The following B3GALNT2 variants were observed in gnomAD, a reference collection of about 807,000 sequenced individuals.
B3GALNT2 encodes beta-1,3-N-acetylgalactosaminyltransferase 2.
A neutral mutation model predicts 61.1 loss-of-function variants in B3GALNT2; 53 were observed. That is an observed-to-expected ratio of 0.87 (90% CI 0.70 to 1.09). The LOEUF is 1.09. Ranked by LOEUF, B3GALNT2 falls within the 50% of genes least tolerant of loss-of-function variation. The pLI is 0.00. For missense variants in B3GALNT2, 544 were observed against 623.0 expected (o/e 0.87, Z 1.35); for synonymous variants, 223 against 237.4 (o/e 0.94, Z 0.56).
chr1:235,448,621 A>T lies in B3GALNT2; in HGVS notation c.*1585T>A. The T allele has an allele frequency of 1.3e-6, 2 of 1,517,736 alleles. No individual in the cohort carries two copies. Among genetic ancestry groups the T allele is most frequent in the Non-Finnish European group, 1.8e-6 (2 of 1,092,820 alleles). The allele number at this position is 1,517,736 out of a possible 1,614,324, so 94.0% of individuals were successfully genotyped here. Reference sequence around the variant, plus strand: ...GGGAAGAGTATGTGTAGCATGCTTTATCGGATCTGTCTTAATCACATCCTT... The same window carrying T: ...GGGAAGAGTATGTGTAGCATGCTTTTTCGGATCTGTCTTAATCACATCCTT... On this transcript the variant is annotated 3_prime_UTR_variant, in exon 12 of 12. Transcript: ENST00000366600.
chr1:235,471,467 CA>C (rs1684003958), intron 5 of B3GALNT2, among the ~76,000 whole-genome samples: 1 of 152,140 alleles, frequency 6.6e-6, no homozygotes, highest in South Asian at 2.1e-4. Flanking sequence ...ATTACTGGGA[CA>C]AGAAAGAGAT....
chr1:235,501,220 GA>G (rs759540257), intron 1 of B3GALNT2, among the ~76,000 whole-genome samples: 2 of 152,154 alleles, frequency 1.3e-5, no homozygotes. Context: ...TCCTTAGTCC[GA>G]TGGTTATCTC....
intron 6 of B3GALNT2, among the ~76,000 whole-genome samples, chr1:235,470,474 C>T (rs958910938): frequency 6.6e-6 from 1 of 151,044 alleles, no homozygotes; most frequent in Admixed American, 6.6e-5. Context: ...CACCTGTAGC[C>T]CCAGCTACAT....
chr1:235,461,879 C>T (rs1284212953), intron 7 of B3GALNT2, among the ~76,000 whole-genome samples: 1 of 152,148 alleles, frequency 6.6e-6, no homozygotes, highest in African/African-American at 2.4e-5. Flanking sequence ...TATGTGTTCA[C>T]CAGAAACCAT....
rs529342055 is a variant in B3GALNT2, at chr1:235,450,685, T to C, written c.1369-345A>G. On this transcript the variant is annotated intron_variant, in intron 11 of 11. Coordinates refer to ENST00000366600, the MANE Select transcript of B3GALNT2 (RefSeq NM_152490.5). Reference sequence around the variant, plus strand: ...TGGCAGTATTAGTAACAGCTATTATTCTGATGGAATGCTTACAATATTGCA... The same window carrying C: ...TGGCAGTATTAGTAACAGCTATTATCCTGATGGAATGCTTACAATATTGCA... 5 of 229,772 alleles carry C rather than the reference T, an allele frequency of 2.2e-5. No individual in the cohort carries two copies. The South Asian group carries it at 3.5e-4, about 16-fold the overall frequency. 14.2% of individuals were successfully genotyped at this position (229,772 alleles called of 1,614,324 possible).
At position 235,447,248 on chromosome 1, in the gene B3GALNT2, A is replaced by G. The variant is rs1682411934; in HGVS notation, c.*2958T>C. Reference sequence around the variant, plus strand: ...AAAATAAAGAACATTTATTATCACAAGTTGGATAAAAACACACAGCTTTTA... The same window carrying G: ...AAAATAAAGAACATTTATTATCACAGGTTGGATAAAAACACACAGCTTTTA... On this transcript the variant is annotated 3_prime_UTR_variant, in exon 12 of 12. Transcript: ENST00000366600. 6.6e-6 allele frequency among the ~76,000 whole-genome samples: 1 copy of G among 152,224 alleles called. No homozygotes were observed. The highest frequency in any genetic ancestry group is 2.1e-4 in the South Asian group (1 of 4,832).
intron 6 of B3GALNT2, among the ~76,000 whole-genome samples, chr1:235,470,462 C>T (rs1003434061): frequency 4.9e-4 from 74 of 151,240 alleles, no homozygotes; most frequent in African/African-American, 1.6e-3. Flanking sequence ...TGTAGTGGTG[C>T]GCACCTGTAG....
intron 2 of B3GALNT2, among the ~76,000 whole-genome samples, chr1:235,494,044 G>A (rs951639650): frequency 6.6e-6 from 1 of 152,144 alleles, no homozygotes; most frequent in African/African-American, 2.4e-5. Context: ...CCAAAGCTCA[G>A]TTCCAGAAGG....
At chr1:235,459,345 A>T (rs1360074434) in intron 7 of B3GALNT2, among the ~76,000 whole-genome samples, 1 of 152,248 alleles carries the variant, frequency 6.6e-6, no homozygotes, top group Non-Finnish European at 1.5e-5. Flanking sequence ...AGACATGGTC[A>T]GGCGTGGTGG....
Position 235,449,926 on chromosome 1 carries a change from G to C in B3GALNT2, c.*280C>G, listed in dbSNP as rs1287365094. On this transcript the variant is annotated 3_prime_UTR_variant, in exon 12 of 12. Coordinates refer to ENST00000366600, the MANE Select transcript of B3GALNT2 (RefSeq NM_152490.5). ...ATTACTAATTAGCCACAATGCATCA[G>C]GATTTAGAAATATTTTTTCTTTTAT... 10 of 288,846 alleles carry C rather than the reference G, an allele frequency of 3.5e-5. No homozygotes were observed. The highest frequency in any genetic ancestry group is 6.6e-5 in the Non-Finnish European group (10 of 151,758). 17.9% of individuals were successfully genotyped at this position (288,846 alleles called of 1,614,324 possible).
At chr1:235,440,641 G>A in the B3GALNT2 span, among the ~76,000 whole-genome samples, 6 of 150,406 alleles carry the variant, frequency 4.0e-5, no homozygotes, top group Admixed American at 1.3e-4. Flanking sequence ...TGATTCGCCC[G>A]CCTCAGCCTC....
At chr1:235,478,989 C>T (rs1457715718) in intron 5 of B3GALNT2, 1 of 152,030 alleles carries the variant, frequency 6.6e-6, no homozygotes, top group Non-Finnish European at 1.5e-5. Flanking sequence ...GCGGAGCAGG[C>T]TATCCTATAA....
intron 7 of B3GALNT2, among the ~76,000 whole-genome samples, chr1:235,460,115 C>CTCGT (rs34044563): frequency 2.0e-5 from 3 of 151,854 alleles, no homozygotes; most frequent in Admixed American, 2.0e-4. Flanking sequence ...TTTCTTTCCT[C>CTCGT]TTTCTTTTTT....
chr1:235,474,276 A>C (rs976523299), intron 5 of B3GALNT2, among the ~76,000 whole-genome samples: 23 of 152,322 alleles, frequency 1.5e-4, no homozygotes, highest in East Asian at 9.6e-4. Context: ...ATAAAAACCA[A>C]AATAAAAGTT....
At chr1:235,493,812 A>G (rs1304762153) in intron 2 of B3GALNT2, among the ~76,000 whole-genome samples, 1 of 152,172 alleles carries the variant, frequency 6.6e-6, no homozygotes, top group African/African-American at 2.4e-5. Flanking sequence ...ATTTGCTTGT[A>G]TAGCTACTCA....
intron 2 of B3GALNT2, among the ~76,000 whole-genome samples, chr1:235,492,100 G>A (rs1685098067): frequency 6.6e-6 from 1 of 152,136 alleles, no homozygotes; most frequent in African/African-American, 2.4e-5. Context: ...TTTGCTTACA[G>A]AAGTACTTAG....
chr1:235,447,986 G>A lies in B3GALNT2; in HGVS notation c.*2220C>T, dbSNP rs1053826915. 1.3e-5 allele frequency among the ~76,000 whole-genome samples: 2 copies of A among 151,950 alleles called. No individual in the cohort carries two copies. Among genetic ancestry groups the A allele is most frequent in the East Asian group, 1.9e-4 (1 of 5,178 alleles). On this transcript the variant is annotated 3_prime_UTR_variant, in exon 12 of 12. Transcript: ENST00000366600. The stretch of plus-strand genomic sequence containing the variant: ...AGCACTTTGGGGGGCCAGGGCGGGC[G>A]GATCACGAGGTCAGGAGTTCAAGAC...
At chr1:235,450,409 C>G (rs778388930) in intron 11 of B3GALNT2, 69 bp from the exon 12 acceptor site, 4 of 1,525,510 alleles carry the variant, frequency 2.6e-6, no homozygotes, top group Middle Eastern at 1.7e-4. Context: ...AAAGTATGCA[C>G]GTAGACAGCT....
Position 235,450,209 on chromosome 1 carries a change from TCTTG to T in B3GALNT2, c.1496_1499del (p.Ala499AspfsTer7), listed in dbSNP as rs1558404267. 1 of 1,614,156 alleles carries T rather than the reference TCTTG, an allele frequency of 6.2e-7. No homozygotes were observed. Among genetic ancestry groups the T allele is most frequent in the South Asian group, 1.1e-5 (1 of 91,086 alleles). ...ACTCTGCTAATTCAAGTCCCTGTTA[TCTTG>T]CTTGACATCGACAAGGATCACCGCA... On this transcript the variant is annotated frameshift_variant, in exon 12 of 12. Transcript: ENST00000366600. LOFTEE classifies it high-confidence loss of function.
Sources: allele counts gnomAD v4.1 joint callset (sites outside exome capture counted in the v4.1 genomes callset), GRCh38; gene constraint gnomAD v4.1.1; transcripts MANE v1.5; gene names NCBI Gene and HGNC (gene_info 2026-07-23, HGNC 2026-07-21).